The following TLE1 variants were observed in gnomAD, a reference collection of about 807,000 sequenced individuals.
TLE1 encodes the protein transducin-like enhancer protein 1.
TLE1 carries 21 observed loss-of-function variants against 89.8 expected under a neutral mutation model. The ratio of observed to expected loss-of-function variants is 0.23; its 90% CI spans 0.17 to 0.34. TLE1 has a LOEUF of 0.34. Ranked by LOEUF, TLE1 falls within the 10% of genes least tolerant of loss-of-function variation. The pLI, the probability that TLE1 is intolerant of heterozygous loss-of-function variation, is 1.00. For synonymous variants in TLE1, 447 were observed against 407.6 expected (o/e 1.10, Z -1.16); for missense variants, 795 against 1,031.2 (o/e 0.77, Z 3.14).
chr9:81,621,791 T>C (rs1370435963), intron 8 of TLE1, among the ~76,000 whole-genome samples: 1 of 152,052 alleles, frequency 6.6e-6, no homozygotes, highest in African/African-American at 2.4e-5. Context: ...AGCTCAACCA[T>C]ATGCAGGAGG....
intron 1 of TLE1, among the ~76,000 whole-genome samples, chr9:81,687,814 C>T (rs556987617): frequency 5.9e-5 from 9 of 152,134 alleles, no homozygotes; most frequent in African/African-American, 2.2e-4. Context: ...AACTCCTTTA[C>T]GCTCCCCATT....
chr9:81,633,399 G>A (rs1356905511), intron 7 of TLE1, 35 bp from the exon 8 acceptor site: 4 of 1,613,616 alleles, frequency 2.5e-6, no homozygotes, highest in South Asian at 2.2e-5. Flanking sequence ...GCACAGACAT[G>A]CCCGTTCAGA....
chr9:81,688,169 G>C (rs530844182), intron 1 of TLE1, 48 bp downstream of exon 1: 1 of 1,599,344 alleles, frequency 6.3e-7, no homozygotes, highest in African/African-American at 1.4e-5. Context: ...CGGGAGAAGC[G>C]CCTCCCCAAC....
intron 6 of TLE1, among the ~76,000 whole-genome samples, chr9:81,641,195 GGA>G (rs1302136527): frequency 6.7e-6 from 1 of 149,248 alleles, no homozygotes; most frequent in Admixed American, 6.9e-5. Context: ...TCCTATCTTG[GGA>G]GACAGCAAAA....
chr9:81,615,330 G>GA (rs1176268015), intron 11 of TLE1, among the ~76,000 whole-genome samples: 113 of 126,722 alleles, frequency 8.9e-4, no homozygotes, highest in Admixed American at 1.0e-3. Flanking sequence ...CTCCGTCTCA[G>GA]AAAAAAAAAA....
chr9:81,605,113 G>A (rs1223722114), intron 14 of TLE1, among the ~76,000 whole-genome samples: 1 of 152,166 alleles, frequency 6.6e-6, no homozygotes, highest in East Asian at 1.9e-4. Context: ...TGTGCCTTCC[G>A]TCTGCCTCAC....
chr9:81,612,331 A>G lies in TLE1; in HGVS notation c.1064-372T>C. The G allele has an allele frequency of 4.9e-6, 5 of 1,019,460 alleles. No homozygotes were observed. In the South Asian group the frequency reaches 2.3e-4, roughly 47 times the overall value. 63.2% of individuals were successfully genotyped at this position (1,019,460 alleles called of 1,614,324 possible). On this transcript the variant is annotated intron_variant, in intron 12 of 19. Coordinates refer to ENST00000376499, the MANE Select transcript of TLE1 (RefSeq NM_005077.5). Reference sequence around the variant, plus strand: ...AAAGAAGATTTTCTCGATAAAATCCAAGATTTCTCTTTCAGTCCGAACTTT... The same window carrying G: ...AAAGAAGATTTTCTCGATAAAATCCGAGATTTCTCTTTCAGTCCGAACTTT...
chr9:81,590,731 C>G (rs1829365841), intron 16 of TLE1, 74 bp downstream of exon 16: 1 of 1,560,666 alleles, frequency 6.4e-7, no homozygotes, highest in African/African-American at 1.4e-5. Context: ...CTGCAGGCAG[C>G]CAGAGAGAAG....
chr9:81,688,041 T>G (rs1391067149), intron 1 of TLE1, among the ~76,000 whole-genome samples, 176 bp downstream of exon 1: 1 of 151,540 alleles, frequency 6.6e-6, no homozygotes, highest in Admixed American at 6.6e-5. Context: ...GGGAGAAAAT[T>G]AAGAGTTTCG....
chr9:81,616,536 C>T, intron 10 of TLE1, 110 bp downstream of exon 10: 1 of 1,107,454 alleles, frequency 9.0e-7, no homozygotes, highest in Non-Finnish European at 1.3e-6. Flanking sequence ...TAAGAAGTTG[C>T]AAGAGGTCCC....
intron 4 of TLE1, among the ~76,000 whole-genome samples, chr9:81,656,328 C>T (rs956343585): frequency 2.6e-5 from 4 of 152,136 alleles, no homozygotes; most frequent in African/African-American, 9.7e-5. Flanking sequence ...GTAGAGATGC[C>T]TTTGGTAGGT....
intron 6 of TLE1, among the ~76,000 whole-genome samples, chr9:81,646,690 G>C (rs1046697952): frequency 3.9e-5 from 6 of 152,160 alleles, no homozygotes; most frequent in African/African-American, 1.4e-4. Flanking sequence ...TCTCATGCAA[G>C]AGTGGAGAGC....
chr9:81,636,494 C>T (rs888946391), intron 6 of TLE1, among the ~76,000 whole-genome samples: 3 of 151,704 alleles, frequency 2.0e-5, no homozygotes, highest in African/African-American at 7.3e-5. Context: ...GCAAGTGCAG[C>T]GGGTAATTAA....
intron 14 of TLE1, among the ~76,000 whole-genome samples, chr9:81,605,085 C>A (rs544701610): frequency 6.6e-5 from 10 of 152,348 alleles, no homozygotes; most frequent in African/African-American, 2.4e-4. Context: ...AGTTCACACT[C>A]AGTCTATGAA....
intron 4 of TLE1, among the ~76,000 whole-genome samples, chr9:81,684,174 C>T (rs1833969216): frequency 6.6e-6 from 1 of 151,720 alleles, no homozygotes; most frequent in Non-Finnish European, 1.5e-5. Context: ...GATTAAACCG[C>T]CTAGGCCAAG....
chr9:81,673,300 T>A (rs1310910129), intron 4 of TLE1, among the ~76,000 whole-genome samples: 2 of 138,308 alleles, frequency 1.4e-5, no homozygotes, highest in South Asian at 2.2e-4. Context: ...AAAAACAGAC[T>A]GCCAACAAGT....
intron 8 of TLE1, among the ~76,000 whole-genome samples, chr9:81,621,973 A>G (rs1825318745): frequency 6.6e-6 from 1 of 152,192 alleles, no homozygotes; most frequent in Non-Finnish European, 1.5e-5. Context: ...GAGAAGCTCT[A>G]AGTAATGTCT....
intron 2 of TLE1, among the ~76,000 whole-genome samples, chr9:81,686,725 C>G (rs1834333952): frequency 6.6e-6 from 1 of 152,166 alleles, no homozygotes; most frequent in South Asian, 2.1e-4. Flanking sequence ...GAAGGTAAGT[C>G]TCATTACTTG....
chr9:81,638,256 A>G (rs967880518), intron 6 of TLE1, among the ~76,000 whole-genome samples: 8 of 152,162 alleles, frequency 5.3e-5, no homozygotes, highest in Admixed American at 6.5e-5. Flanking sequence ...CCTTGCCCCC[A>G]GCTCTCTTCC....
Sources: gnomAD v4.1 joint callset for allele counts (sites outside exome capture counted in the v4.1 genomes callset) on GRCh38, gnomAD v4.1.1 for gene constraint, MANE v1.5 for transcripts, NCBI Gene and HGNC (gene_info 2026-07-23, HGNC 2026-07-21) for gene names.